Variants in CEP112 observed in about 807,000 individuals in gnomAD.
The protein encoded by CEP112 is centrosomal protein of 112 kDa.
CEP112 carries 127 observed loss-of-function variants against 153.0 expected under a neutral mutation model. The ratio of observed to expected loss-of-function variants is 0.83; its 90% CI spans 0.72 to 0.96. The LOEUF (loss-of-function observed/expected upper bound fraction) is 0.96. CEP112 is among the 40% of genes least tolerant of loss of function. CEP112 has a pLI of 0.00. For synonymous variants in CEP112, 358 were observed against 374.4 expected, an observed-to-expected ratio of 0.96 and a Z score of 0.51; for missense variants, 1,089 against 1,101.2, an observed-to-expected ratio of 0.99 and a Z score of 0.16.
rs529898925 is a variant in CEP112 at position 66,066,172 on chromosome 17, C to T, written c.955+606G>A. On this transcript the variant is annotated intron_variant, in intron 10 of 26. Transcript: ENST00000535342. ...TTCGACCCATAATCATAGTCAACTA[C>T]GGTCAGAGTTAGCTCAAGTGGTTAC... Among the ~76,000 whole-genome samples, 6 of 152,284 alleles carry T rather than the reference C, an allele frequency of 3.9e-5. No homozygotes were observed. In the East Asian group the frequency reaches 5.8e-4, roughly 15 times the overall value.
At chr17:65,687,757 C>T (rs1212149720) in intron 24 of CEP112, among the ~76,000 whole-genome samples, 1 of 152,182 alleles carries the variant, frequency 6.6e-6, no homozygotes, top group Non-Finnish European at 1.5e-5. Context: ...TTGTAAACAT[C>T]TCCAGAGATT....
intron 23 of CEP112, among the ~76,000 whole-genome samples, chr17:65,703,276 G>C (rs559897268): frequency 6.6e-6 from 1 of 152,168 alleles, no homozygotes; most frequent in East Asian, 1.9e-4. Context: ...ACTTTGGGAG[G>C]CTGAGGCGGG....
At chr17:65,932,896 C>T (rs751319064) in intron 18 of CEP112, among the ~76,000 whole-genome samples, 18 of 152,000 alleles carry the variant, frequency 1.2e-4, no homozygotes, top group Non-Finnish European at 1.8e-4. Context: ...AGATCTACAC[C>T]GTATCAATAG....
Position 65,728,979 on chromosome 17 carries a change from TA to T in CEP112, c.2607+14088del, listed in dbSNP as rs888140570. On this transcript the variant is annotated intron_variant, in intron 23 of 26. Coordinates refer to ENST00000535342, the MANE Select transcript of CEP112 (RefSeq NM_001199165.4). ...CTGGAACACTTTCACTTTATAAACTTAAAAAAAAATTTAAACTTTTTGACTC... is the reference window on the plus strand; with the variant it reads ...CTGGAACACTTTCACTTTATAAACTTAAAAAAAATTTAAACTTTTTGACTC... Among the ~76,000 whole-genome samples, 46 of 151,774 alleles carry T rather than the reference TA, an allele frequency of 3.0e-4. 1 individual carries two copies. Among genetic ancestry groups the T allele is most frequent in the Admixed American group, 2.6e-3 (39 of 15,232 alleles).
chr17:65,756,405 C>CAAAAAAAA (rs766476895), intron 21 of CEP112, among the ~76,000 whole-genome samples: 19 of 30,516 alleles, frequency 6.2e-4, no homozygotes, highest in Non-Finnish European at 6.6e-4. Context: ...GACTCCGTCT[C>CAAAAAAAA]AAAAAAAAAA....
intron 12 of CEP112, 34 bp downstream of exon 12, chr17:66,053,701 GT>G: frequency 6.3e-7 from 1 of 1,591,470 alleles, no homozygotes; most frequent in Non-Finnish European, 8.6e-7. Context: ...GAGAAGACAG[GT>G]TCTAAGATGT....
At chr17:66,118,595 T>G (rs1031269671) in intron 6 of CEP112, among the ~76,000 whole-genome samples, 14 of 152,086 alleles carry the variant, frequency 9.2e-5, no homozygotes, top group Non-Finnish European at 2.1e-4. Context: ...AAATAGGGAC[T>G]GGTAAATAGG....
chr17:65,662,740 TA>T (rs2143873370), intron 24 of CEP112, among the ~76,000 whole-genome samples: 1 of 152,302 alleles, frequency 6.6e-6, no homozygotes, highest in South Asian at 2.1e-4. Flanking sequence ...AAAAAAATCC[TA>T]AACGTGTGTG....
At chr17:66,020,105 G>C (rs542742012) in intron 16 of CEP112, among the ~76,000 whole-genome samples, 1 of 152,274 alleles carries the variant, frequency 6.6e-6, no homozygotes, top group East Asian at 1.9e-4. Flanking sequence ...AGGATATCAG[G>C]AAGAGGGCTT....
At chr17:65,653,940 T>A (rs567243971) in intron 24 of CEP112, among the ~76,000 whole-genome samples, 1 of 150,654 alleles carries the variant, frequency 6.6e-6, no homozygotes, top group Non-Finnish European at 1.5e-5. Flanking sequence ...GCACCTGTAG[T>A]CCCAGCTGCT....
At chr17:66,114,815 G>A (rs757382802) in intron 6 of CEP112, among the ~76,000 whole-genome samples, 2 of 151,996 alleles carry the variant, frequency 1.3e-5, no homozygotes, top group Non-Finnish European at 2.9e-5. Context: ...ATATTAAAAT[G>A]CACCTAACTG....
chr17:66,142,878 G>GA (rs1335094632), intron 4 of CEP112, among the ~76,000 whole-genome samples: 2 of 151,930 alleles, frequency 1.3e-5, no homozygotes, highest in African/African-American at 2.4e-5. Context: ...TTATTGTTGT[G>GA]AAAAAAGCCG....
intron 21 of CEP112, among the ~76,000 whole-genome samples, chr17:65,813,325 G>A (rs1007775332): frequency 6.6e-6 from 1 of 152,172 alleles, no homozygotes; most frequent in Non-Finnish European, 1.5e-5. Flanking sequence ...AAACAGGGAA[G>A]GGGACTTGTG....
At chr17:66,016,253 T>C (rs4614765) in intron 16 of CEP112, among the ~76,000 whole-genome samples, 140,967 of 152,192 alleles carry the variant, frequency 0.93, 65,518 homozygotes, top group East Asian at 0.97. Flanking sequence ...TCCTTTCCTC[T>C]ACAATGCTTT....
At chr17:66,055,176 G>GC (rs2066629381) in intron 11 of CEP112, among the ~76,000 whole-genome samples, 1 of 152,290 alleles carries the variant, frequency 6.6e-6, no homozygotes, top group East Asian at 1.9e-4. Context: ...ACCTGTGAGA[G>GC]ATGGAAGCTA....
intron 23 of CEP112, among the ~76,000 whole-genome samples, chr17:65,693,276 CCT>C (rs1207530334): frequency 4.6e-5 from 7 of 152,102 alleles, no homozygotes; most frequent in South Asian, 2.1e-4. Flanking sequence ...ACACCTGCCC[CCT>C]GTCCCCACTG....
At chr17:65,890,224 G>C (rs2059416223) in intron 20 of CEP112, among the ~76,000 whole-genome samples, 1 of 152,176 alleles carries the variant, frequency 6.6e-6, no homozygotes, top group African/African-American at 2.4e-5. Flanking sequence ...TATTAAAGTG[G>C]AGGAATGGTA....
At chr17:66,086,674 G>A (rs1327037000) in intron 8 of CEP112, among the ~76,000 whole-genome samples, 1 of 151,666 alleles carries the variant, frequency 6.6e-6, no homozygotes, top group Non-Finnish European at 1.5e-5. Flanking sequence ...TGGGATTACA[G>A]GCGTGAGCCA....
chr17:65,724,069 C>CT (rs1232458040), intron 23 of CEP112, among the ~76,000 whole-genome samples: 1 of 151,930 alleles, frequency 6.6e-6, no homozygotes, highest in Non-Finnish European at 1.5e-5. Context: ...GGGGGTTGTT[C>CT]TTTTTTTTAA....
Sources: allele counts gnomAD v4.1 joint callset (sites outside exome capture counted in the v4.1 genomes callset), GRCh38; gene constraint gnomAD v4.1.1; transcripts MANE v1.5; gene names NCBI Gene and HGNC (gene_info 2026-07-23, HGNC 2026-07-21).